The following CPED1 variants were observed in gnomAD, a reference collection of about 807,000 sequenced individuals.
CPED1 encodes cadherin like and PC-esterase domain containing 1, also known as cadherin-like and PC-esterase domain-containing protein 1.
In CPED1, 114 loss-of-function variants were observed where a neutral mutation model predicts 128.2. The observed-to-expected ratio is 0.89, with a 90% CI of 0.76 to 1.04. The LOEUF (loss-of-function observed/expected upper bound fraction) is 1.04, where lower values mean the gene tolerates loss of function less well. Among genes scored for constraint, CPED1 ranks in the 50% least tolerant of loss-of-function variants. CPED1 has a pLI of 0.00. For missense variants in CPED1, 1,211 were observed against 1,207.1 expected, an observed-to-expected ratio of 1.00 and a Z score of -0.05; for synonymous variants, 462 against 426.7, an observed-to-expected ratio of 1.08 and a Z score of -1.02.
chr7:121,066,639 A>C (rs539049803), intron 5 of CPED1, among the ~76,000 whole-genome samples: 4 of 152,192 alleles, frequency 2.6e-5, no homozygotes, highest in East Asian at 1.9e-4. Flanking sequence ...TTACAGGTCA[A>C]CCTGTCTCAG....
intron 22 of CPED1, among the ~76,000 whole-genome samples, chr7:121,276,754 G>A (rs546361517): frequency 3.3e-5 from 5 of 152,230 alleles, no homozygotes; most frequent in Non-Finnish European, 7.4e-5. Flanking sequence ...AACCAAAGTA[G>A]CTCTGAAATA....
intron 16 of CPED1, among the ~76,000 whole-genome samples, chr7:121,235,771 G>T (rs13438373): frequency 0.041 from 6,212 of 152,144 alleles, 408 homozygotes; most frequent in African/African-American, 0.14. Flanking sequence ...TTATCAAACG[G>T]TGAAGAGCAT....
At chr7:121,136,252 C>T (rs940341782) in intron 14 of CPED1, among the ~76,000 whole-genome samples, 162 bp downstream of exon 14, 2 of 151,998 alleles carry the variant, frequency 1.3e-5, no homozygotes, top group Non-Finnish European at 2.9e-5. Context: ...CAGTATCTAT[C>T]ACTTTTGCAT....
chr7:121,175,181 C>G (rs1796746249), intron 16 of CPED1, among the ~76,000 whole-genome samples: 1 of 152,132 alleles, frequency 6.6e-6, no homozygotes. Context: ...GATTATTTGA[C>G]TTCCTCTGTT....
chr7:121,210,360 C>T (rs955606536), intron 16 of CPED1, among the ~76,000 whole-genome samples: 9 of 151,938 alleles, frequency 5.9e-5, no homozygotes, highest in Non-Finnish European at 1.2e-4. Context: ...GCTGCACTCC[C>T]GTGTTTATTG....
intron 16 of CPED1, among the ~76,000 whole-genome samples, chr7:121,225,428 A>G (rs9770763): frequency 0.4 from 59,963 of 151,804 alleles, 12,353 homozygotes; most frequent in Middle Eastern, 0.51. Context: ...CTTCATTTCA[A>G]CCTTGGTGAA....
chr7:121,064,448 A>C, intron 5 of CPED1, 135 bp downstream of exon 5: 1 of 625,546 alleles, frequency 1.6e-6, no homozygotes, highest in Non-Finnish European at 2.9e-6. Context: ...GATCTTCCGC[A>C]GTTCACAACG....
intron 5 of CPED1, among the ~76,000 whole-genome samples, chr7:121,068,472 A>G (rs576717467): frequency 6.6e-6 from 1 of 151,704 alleles, no homozygotes; most frequent in Non-Finnish European, 1.5e-5. Flanking sequence ...CCATTGGTCT[A>G]TATCTCTGTT....
At chr7:121,077,284 G>A (rs1409028234) in intron 5 of CPED1, among the ~76,000 whole-genome samples, 1 of 152,082 alleles carries the variant, frequency 6.6e-6, no homozygotes, top group Non-Finnish European at 1.5e-5. Context: ...AGCCATCCAT[G>A]AGAAGGAAGT....
At chr7:121,176,809 G>T (rs1796791341) in intron 16 of CPED1, among the ~76,000 whole-genome samples, 1 of 152,052 alleles carries the variant, frequency 6.6e-6, no homozygotes, top group South Asian at 2.1e-4. Flanking sequence ...CTCCTATTTT[G>T]AAAAGGACCA....
At chr7:121,246,066 T>C (rs1269683435) in intron 18 of CPED1, among the ~76,000 whole-genome samples, 1 of 152,088 alleles carries the variant, frequency 6.6e-6, no homozygotes, top group Non-Finnish European at 1.5e-5. Context: ...CTGGGAGCAA[T>C]GACAATAGCT....
At chr7:120,994,566 T>C (rs1277742555) in intron 2 of CPED1, among the ~76,000 whole-genome samples, 3 of 151,766 alleles carry the variant, frequency 2.0e-5, no homozygotes, top group African/African-American at 2.4e-5. Context: ...CATATGCAAA[T>C]AAGAAATGAA....
chr7:121,184,128 G>A (rs1401707837), intron 16 of CPED1, among the ~76,000 whole-genome samples: 3 of 139,826 alleles, frequency 2.1e-5, no homozygotes, highest in South Asian at 2.5e-4. Context: ...GTGACAGAGC[G>A]AGACTCTGTC....
intron 16 of CPED1, among the ~76,000 whole-genome samples, chr7:121,164,765 A>G (rs1796486924): frequency 6.6e-6 from 1 of 152,230 alleles, no homozygotes; most frequent in Non-Finnish European, 1.5e-5. Flanking sequence ...GTCTGATAGG[A>G]AAGGCTATTT....
chr7:121,031,610 A>C (rs1226647864), intron 3 of CPED1, among the ~76,000 whole-genome samples: 7 of 152,170 alleles, frequency 4.6e-5, no homozygotes, highest in Admixed American at 1.3e-4. Context: ...TTTCTCTACA[A>C]AAAGATGGTT....
chr7:121,071,550 A>G (rs1021858602), intron 5 of CPED1, among the ~76,000 whole-genome samples: 1 of 151,612 alleles, frequency 6.6e-6, no homozygotes, highest in African/African-American at 2.4e-5. Context: ...ACTCTTTTTT[A>G]TTATTATTTC....
chr7:121,105,219 A>T (rs1290900266), intron 7 of CPED1, among the ~76,000 whole-genome samples: 4 of 152,104 alleles, frequency 2.6e-5, no homozygotes, highest in African/African-American at 9.7e-5. Flanking sequence ...TCCCTTATTC[A>T]TTTTGGAAAT....
intron 18 of CPED1, among the ~76,000 whole-genome samples, chr7:121,247,785 C>G (rs1798570852): frequency 6.6e-6 from 1 of 152,192 alleles, no homozygotes; most frequent in Non-Finnish European, 1.5e-5. Flanking sequence ...CAACACATCT[C>G]TGGCGGAACC....
chr7:121,262,449 C>T (rs1792039678), intron 18 of CPED1, among the ~76,000 whole-genome samples: 1 of 152,014 alleles, frequency 6.6e-6, no homozygotes, highest in African/African-American at 2.4e-5. Flanking sequence ...AATACCAATT[C>T]CTGTATACTC....
Sources: allele counts gnomAD v4.1 joint callset (sites outside exome capture counted in the v4.1 genomes callset), GRCh38; gene constraint gnomAD v4.1.1; transcripts MANE v1.5; gene names NCBI Gene and HGNC (gene_info 2026-07-23, HGNC 2026-07-21).